PSMA1: variants seen among roughly 807,000 people sequenced by gnomAD.
The protein encoded by PSMA1 is proteasome 20S subunit alpha 1.
In PSMA1, 3 loss-of-function variants were observed where a neutral mutation model predicts 38.4. That is an observed-to-expected ratio of 0.08 (90% CI 0.04 to 0.20). PSMA1 has a LOEUF of 0.20. Among genes scored for constraint, PSMA1 ranks in the 10% least tolerant of loss-of-function variants. PSMA1 has a pLI of 1.00. For synonymous variants in PSMA1, 101 were observed against 107.1 expected (o/e 0.94, Z 0.35); for missense variants, 227 against 325.3 (o/e 0.70, Z 2.32).
chr11:14,508,947 T>G (rs145675548), intron 8 of PSMA1, among the ~76,000 whole-genome samples: 7 of 152,242 alleles, frequency 4.6e-5, no homozygotes, highest in African/African-American at 1.4e-4. Context: ...TCCCAGTTGC[T>G]AAAGGTTAGT....
chr11:14,603,005 C>T (rs2134194673), intron 2 of PSMA1, among the ~76,000 whole-genome samples: 1 of 152,238 alleles, frequency 6.6e-6, no homozygotes, highest in East Asian at 1.9e-4. Context: ...GTGGGGGCTT[C>T]CAATGTACCC....
intron 2 of PSMA1, among the ~76,000 whole-genome samples, chr11:14,549,886 G>A (rs531678157): frequency 6.6e-5 from 10 of 152,264 alleles, no homozygotes; most frequent in African/African-American, 2.4e-4. Context: ...ATGGCAAGAG[G>A]ATGGGGTCAG....
At chr11:14,506,570 T>A (rs759438979) in intron 9 of PSMA1, among the ~76,000 whole-genome samples, 1 of 152,162 alleles carries the variant, frequency 6.6e-6, no homozygotes, top group Non-Finnish European at 1.5e-5. Flanking sequence ...ATTCTAAACA[T>A]CTAGCAAAAA....
chr11:14,531,370 A>G (rs1007257563), intron 2 of PSMA1, among the ~76,000 whole-genome samples: 1 of 152,130 alleles, frequency 6.6e-6, no homozygotes, highest in Non-Finnish European at 1.5e-5. Context: ...ATAAGTGAGA[A>G]CATGTGGTAT....
intron 8 of PSMA1, among the ~76,000 whole-genome samples, chr11:14,509,426 A>G (rs1851302475): frequency 6.6e-6 from 1 of 151,590 alleles, no homozygotes; most frequent in South Asian, 2.1e-4. Flanking sequence ...CATCTCTCAC[A>G]TAATTACCTG....
chr11:14,508,201 C>G (rs1322012007), intron 8 of PSMA1, among the ~76,000 whole-genome samples: 2 of 152,164 alleles, frequency 1.3e-5, no homozygotes, highest in Non-Finnish European at 2.9e-5. Flanking sequence ...TGCTCCCCTT[C>G]TTTTAGACAC....
At chr11:14,584,468 T>C (rs1852316717) in intron 2 of PSMA1, among the ~76,000 whole-genome samples, 2 of 152,050 alleles carry the variant, frequency 1.3e-5, no homozygotes, top group African/African-American at 4.8e-5. Context: ...GTTAATAGGC[T>C]ATGTGATAAT....
chr11:14,518,792 T>C (rs144886400), intron 2 of PSMA1, among the ~76,000 whole-genome samples: 1 of 152,300 alleles, frequency 6.6e-6, no homozygotes, highest in African/African-American at 2.4e-5. Flanking sequence ...CATGAAACAT[T>C]TTTCTTTCTG....
intron 2 of PSMA1, among the ~76,000 whole-genome samples, chr11:14,549,043 G>A (rs887021820): frequency 1.3e-5 from 2 of 151,908 alleles, no homozygotes; most frequent in East Asian, 1.9e-4. Flanking sequence ...AAGCCCTGAT[G>A]GTTGCTATTA....
intron 2 of PSMA1, among the ~76,000 whole-genome samples, chr11:14,598,667 G>A (rs1340606133): frequency 6.7e-6 from 1 of 148,568 alleles, no homozygotes; most frequent in African/African-American, 2.5e-5. Flanking sequence ...CCTGAATACA[G>A]CACACTGATG....
intron 1 of PSMA1, among the ~76,000 whole-genome samples, chr11:14,621,274 T>C (rs1852840516): frequency 6.6e-6 from 1 of 152,076 alleles, no homozygotes; most frequent in African/African-American, 2.4e-5. Context: ...AAATTATCTT[T>C]CTTTTCTTTT....
At chr11:14,623,480 T>C (rs1314743011) in intron 1 of PSMA1, among the ~76,000 whole-genome samples, 2 of 152,178 alleles carry the variant, frequency 1.3e-5, no homozygotes, top group Admixed American at 6.5e-5. Flanking sequence ...ACTTGGGAAA[T>C]AGCCAATGTC....
At chr11:14,591,194 T>C (rs540395393) in intron 2 of PSMA1, among the ~76,000 whole-genome samples, 90 of 152,334 alleles carry the variant, frequency 5.9e-4, no homozygotes, top group Middle Eastern at 3.4e-3. Flanking sequence ...AGTGAGGGAC[T>C]TGGCACCCAG....
intron 9 of PSMA1, among the ~76,000 whole-genome samples, chr11:14,506,254 T>C (rs1428015520): frequency 6.6e-6 from 1 of 152,216 alleles, no homozygotes; most frequent in Admixed American, 6.5e-5. Flanking sequence ...TTTATCGTAC[T>C]TTGCATTGCT....
At chr11:14,605,581 C>A (rs1218598163) in intron 2 of PSMA1, among the ~76,000 whole-genome samples, 2 of 152,132 alleles carry the variant, frequency 1.3e-5, no homozygotes, top group South Asian at 4.2e-4. Flanking sequence ...GAGACGGGGT[C>A]TCACTATGTT....
intron 1 of PSMA1, among the ~76,000 whole-genome samples, chr11:14,631,999 T>G (rs1432366312): frequency 7.0e-6 from 1 of 142,466 alleles, no homozygotes; most frequent in Non-Finnish European, 1.5e-5. Flanking sequence ...CCCTGCCTTT[T>G]TTTGTTTTCC....
At chr11:14,513,400 AAGATTAGTATATGTGAC>A (rs1396437606) in intron 7 of PSMA1, 153 bp downstream of exon 7, 7 of 694,812 alleles carry the variant, frequency 1.0e-5, no homozygotes, top group African/African-American at 9.4e-5. Context: ...ACCAGAAGTT[AAGATTAGTATATGTGAC>A]AGAAACAATA....
At chr11:14,505,391 G>A in intron 9 of PSMA1, 143 bp from the exon 10 acceptor site, 1 of 707,184 alleles carries the variant, frequency 1.4e-6, no homozygotes, top group South Asian at 1.6e-5. Flanking sequence ...TCACTGTCCT[G>A]TTAACATTTC....
At chr11:14,517,531 T>C (rs888388265) in intron 4 of PSMA1, 111 bp downstream of exon 4, 2 of 902,076 alleles carry the variant, frequency 2.2e-6, no homozygotes, top group African/African-American at 1.7e-5. Flanking sequence ...ATAATCTTAA[T>C]TTACAAGAAC....
Sources: gnomAD v4.1 joint callset for allele counts (sites outside exome capture counted in the v4.1 genomes callset) on GRCh38, gnomAD v4.1.1 for gene constraint, MANE v1.5 for transcripts, NCBI Gene and HGNC (gene_info 2026-07-23, HGNC 2026-07-21) for gene names.